ROR1: variants seen among roughly 807,000 people sequenced by gnomAD.
ROR1 encodes inactive tyrosine-protein kinase transmembrane receptor ROR1.
In ROR1, 19 loss-of-function variants were observed where a neutral mutation model predicts 78.8. The ratio of observed to expected loss-of-function variants is 0.24; its 90% CI spans 0.17 to 0.35. The LOEUF is 0.35. ROR1 is among the 10% of genes least tolerant of loss of function. The pLI is 1.00. For synonymous variants in ROR1, 386 were observed against 433.6 expected, an observed-to-expected ratio of 0.89 and a Z score of 1.36; for missense variants, 917 against 1,177.8, an observed-to-expected ratio of 0.78 and a Z score of 3.24.
Position 64,159,197 on chromosome 1 carries a change from T to C in ROR1, c.1386+5T>C. 6.2e-7 allele frequency: 1 copy of C among 1,605,378 alleles called. No homozygotes were observed. The highest frequency in any genetic ancestry group is 1.1e-5 in the South Asian group (1 of 90,878). ...CTGAATGCATATAAACCCAAGGTAA[T>C]GTTAGCAGTACAGAGCTACATTTGT... is the stretch of plus-strand genomic sequence containing the variant. On this transcript the variant is annotated splice_donor_5th_base_variant and intron_variant, in intron 8 of 8. Transcript: ENST00000371079.
At chr1:63,815,473 CTTTTCT>C (rs1644885735) in intron 1 of ROR1, among the ~76,000 whole-genome samples, 2 of 96,108 alleles carry the variant, frequency 2.1e-5, no homozygotes, top group East Asian at 3.0e-4. Context: ...CTTTTCTTTT[CTTTTCT>C]TTTTCTTTTT....
chr1:64,044,503 C>CT (rs1646769165), intron 2 of ROR1, among the ~76,000 whole-genome samples: 1 of 152,128 alleles, frequency 6.6e-6, no homozygotes, highest in Non-Finnish European at 1.5e-5. Context: ...GCCAATTGCA[C>CT]TTAAGAATAT....
intron 2 of ROR1, among the ~76,000 whole-genome samples, chr1:64,019,523 A>G (rs1431297509): frequency 6.6e-6 from 1 of 152,206 alleles, no homozygotes; most frequent in Non-Finnish European, 1.5e-5. Context: ...TGATAGTGAT[A>G]TTGATATATT....
intron 5 of ROR1, among the ~76,000 whole-genome samples, chr1:64,138,443 G>A (rs184785462): frequency 4.0e-4 from 61 of 152,158 alleles, no homozygotes; most frequent in Admixed American, 3.5e-3. Context: ...CAAACCCAAG[G>A]CAGAAACATA....
intron 1 of ROR1, among the ~76,000 whole-genome samples, chr1:63,886,345 G>C (rs796165178): frequency 1.3e-5 from 2 of 152,184 alleles, no homozygotes; most frequent in South Asian, 4.1e-4. Context: ...CATATGGGCT[G>C]CATTCTTTTT....
intron 2 of ROR1, among the ~76,000 whole-genome samples, chr1:64,016,112 C>T (rs1298028240): frequency 2.0e-5 from 3 of 152,112 alleles, no homozygotes; most frequent in African/African-American, 7.2e-5. Context: ...CAGCTCAGCT[C>T]CATCACCAGG....
At chr1:64,173,694 A>T (rs1217301139) in intron 8 of ROR1, among the ~76,000 whole-genome samples, 1 of 152,210 alleles carries the variant, frequency 6.6e-6, no homozygotes, top group African/African-American at 2.4e-5. Context: ...ATATGAGAAC[A>T]AATTTGCTTA....
chr1:63,845,376 C>T (rs1309396185), intron 1 of ROR1, among the ~76,000 whole-genome samples: 1 of 152,056 alleles, frequency 6.6e-6, no homozygotes, highest in African/African-American at 2.4e-5. Flanking sequence ...TACTGATAAA[C>T]GAACAAACAA....
intron 1 of ROR1, among the ~76,000 whole-genome samples, chr1:63,930,572 C>T (rs1367035250): frequency 6.6e-6 from 1 of 152,172 alleles, no homozygotes; most frequent in African/African-American, 2.4e-5. Context: ...GGGTGGGACA[C>T]ACAAGACCTT....
chr1:64,137,406 A>G lies in ROR1; in HGVS notation c.520A>G (p.Arg174Gly). ...YEEDGFCQPY[R>G]GIACARFIGN... ...AGAAGATGGATTCTGTCAGCCATACAGAGGGATTGCATGTGCAAGATTTAT... is the reference window on the plus strand; with the variant it reads ...AGAAGATGGATTCTGTCAGCCATACGGAGGGATTGCATGTGCAAGATTTAT... The change falls in exon 5 of 9, where the codon AGA becomes GGA. Residue 174 changes from arginine to glycine, a missense_variant. Arg to Gly is a moderately radical substitution (Grantham distance 125). Transcript: ENST00000371079. The G allele has an allele frequency of 1.2e-6, 2 of 1,614,084 alleles. No homozygotes were observed. The highest frequency in any genetic ancestry group is 1.7e-6 in the Non-Finnish European group (2 of 1,179,916).
intron 1 of ROR1, among the ~76,000 whole-genome samples, chr1:63,868,851 A>G (rs76577450): frequency 6.6e-6 from 1 of 152,204 alleles, no homozygotes; most frequent in Admixed American, 6.5e-5. Context: ...TATTCAAGAC[A>G]TAGGTTTTTA....
At chr1:63,897,518 T>C (rs1645449842) in intron 1 of ROR1, among the ~76,000 whole-genome samples, 1 of 152,168 alleles carries the variant, frequency 6.6e-6, no homozygotes, top group African/African-American at 2.4e-5. Context: ...GTTTTCCACA[T>C]AAAGTTTCCT....
At chr1:63,847,329 G>A (rs889264959) in intron 1 of ROR1, among the ~76,000 whole-genome samples, 3 of 152,144 alleles carry the variant, frequency 2.0e-5, no homozygotes, top group Non-Finnish European at 4.4e-5. Flanking sequence ...CATCCTTCAC[G>A]GTCTACTTCT....
intron 7 of ROR1, among the ~76,000 whole-genome samples, chr1:64,146,829 A>T (rs866071544): frequency 6.6e-6 from 1 of 152,228 alleles, no homozygotes. Flanking sequence ...CAGGATACCT[A>T]CTATGTGCCT....
chr1:64,137,564 A>C lies in ROR1; in HGVS notation c.610+68A>C, dbSNP rs1272613140. 5.4e-6 allele frequency: 8 copies of C among 1,492,682 alleles called. No homozygotes were observed. The South Asian group carries it at 9.9e-5, about 18-fold the overall frequency. The allele number at this position is 1,492,682 out of a possible 1,614,324, so 92.5% of individuals were successfully genotyped here. A position where few individuals can be genotyped will look rare whatever the true frequency, so the allele number is the denominator to read the frequency against. ...ATTTTTCTCGCCAAAAGTTTTATTG[A>C]GCTCCTCTCTTGACAAAGGATTAAG... On this transcript the variant is annotated intron_variant, in intron 5 of 8. Transcript: ENST00000371079.
chr1:64,030,204 A>G (rs567664373), intron 2 of ROR1, among the ~76,000 whole-genome samples: 10 of 152,270 alleles, frequency 6.6e-5, no homozygotes, highest in African/African-American at 2.4e-4. Context: ...GATGGAGGCA[A>G]TTGGGTGGGT....
chr1:63,873,965 A>T (rs1318699932), intron 1 of ROR1, among the ~76,000 whole-genome samples: 1 of 152,158 alleles, frequency 6.6e-6, no homozygotes, highest in Non-Finnish European at 1.5e-5. Context: ...CAGTGGTGAG[A>T]GACCGCTACT....
intron 1 of ROR1, among the ~76,000 whole-genome samples, chr1:63,934,708 T>C (rs1293265587): frequency 6.6e-6 from 1 of 152,166 alleles, no homozygotes; most frequent in Non-Finnish European, 1.5e-5. Context: ...TTTAAAAAAG[T>C]ATATTTTACA....
chr1:63,980,026 G>A (rs779239623), intron 1 of ROR1, among the ~76,000 whole-genome samples: 4 of 152,160 alleles, frequency 2.6e-5, no homozygotes, highest in Middle Eastern at 3.4e-3. Flanking sequence ...ATGAGAAGGA[G>A]AGAGAGGTCT....
Sources: gnomAD v4.1 joint callset for allele counts (sites outside exome capture counted in the v4.1 genomes callset) on GRCh38, gnomAD v4.1.1 for gene constraint, MANE v1.5 for transcripts, NCBI Gene and HGNC (gene_info 2026-07-23, HGNC 2026-07-21) for gene names.